NEGR1: variants seen among roughly 807,000 people sequenced by gnomAD.
NEGR1 encodes the protein IgLON family member 4.
A neutral mutation model predicts 40.9 loss-of-function variants in NEGR1; 10 were observed. The ratio of observed to expected loss-of-function variants is 0.24; its 90% CI spans 0.15 to 0.42. The LOEUF (loss-of-function observed/expected upper bound fraction) is 0.42, where lower values mean the gene tolerates loss of function less well. Among genes scored for constraint, NEGR1 ranks in the 10% least tolerant of loss-of-function variants. The pLI is 1.00. For missense variants in NEGR1, 352 were observed against 438.9 expected (o/e 0.80, Z 1.77); for synonymous variants, 185 against 166.8 (o/e 1.11, Z -0.84).
intron 2 of NEGR1, among the ~76,000 whole-genome samples, chr1:71,790,297 T>C (rs1020659229): frequency 6.6e-6 from 1 of 152,112 alleles, no homozygotes; most frequent in Non-Finnish European, 1.5e-5. Context: ...TAATAATCTG[T>C]ATTTGGCTGT....
At chr1:71,644,636 A>G (rs528696488) in intron 4 of NEGR1, among the ~76,000 whole-genome samples, 253 of 152,140 alleles carry the variant, frequency 1.7e-3, no homozygotes, top group Admixed American at 3.0e-3. Flanking sequence ...GATCTTGAGA[A>G]TGCAACTTAA....
intron 1 of NEGR1, among the ~76,000 whole-genome samples, chr1:72,267,900 T>C (rs1481117207): frequency 6.6e-6 from 1 of 151,016 alleles, no homozygotes; most frequent in African/African-American, 2.4e-5. Context: ...TTTCAGAATA[T>C]GTCAAAAACT....
At chr1:71,436,355 C>T (rs1367315179) in intron 6 of NEGR1, among the ~76,000 whole-genome samples, 1 of 151,994 alleles carries the variant, frequency 6.6e-6, no homozygotes, top group African/African-American at 2.4e-5. Context: ...TGCTTCTGAA[C>T]CAGTGCCAGA....
rs61614174 is a variant in NEGR1 at position 71,921,703 on chromosome 1, A to AATATAT, written c.409+13370_409+13375dup. 4.6e-3 allele frequency among the ~76,000 whole-genome samples: 612 copies of AATATAT among 134,002 alleles called. 1 individual carries two copies. The highest frequency in any genetic ancestry group is 8.7e-3 in the East Asian group (40 of 4,602). 87.9% of individuals were successfully genotyped at this position (134,002 alleles called of 152,430 possible). On this transcript the variant is annotated intron_variant, in intron 2 of 6. Transcript: ENST00000357731. ...ATATATAGAATAGATACAGTACAAG[A>AATATAT]ATATATATATATATATATATATATA...
chr1:71,468,331 G>A (rs1646759699), intron 6 of NEGR1: 1 of 151,860 alleles, frequency 6.6e-6, no homozygotes, highest in African/African-American at 2.4e-5. Context: ...TACCACTGCT[G>A]AAATCACGCA....
intron 4 of NEGR1, among the ~76,000 whole-genome samples, chr1:71,692,512 G>C (rs1477579206): frequency 6.6e-6 from 1 of 151,218 alleles, no homozygotes; most frequent in Admixed American, 6.6e-5. Flanking sequence ...TCAAGGTGAT[G>C]GCCATTTGTG....
chr1:71,505,828 C>T (rs1046389363), intron 6 of NEGR1, among the ~76,000 whole-genome samples: 44 of 152,250 alleles, frequency 2.9e-4, no homozygotes, highest in African/African-American at 1.0e-3. Flanking sequence ...TCCAACCTTC[C>T]AGGGGAACCC....
intron 1 of NEGR1, among the ~76,000 whole-genome samples, chr1:72,201,057 T>C (rs1570114116): frequency 6.6e-6 from 1 of 151,900 alleles, no homozygotes; most frequent in East Asian, 1.9e-4. Flanking sequence ...ATGTAGACTC[T>C]ACTCACTTGA....
intron 6 of NEGR1, among the ~76,000 whole-genome samples, chr1:71,462,840 ATATGT>A (rs1346882409): frequency 1.3e-5 from 2 of 152,190 alleles, no homozygotes; most frequent in African/African-American, 4.8e-5. Flanking sequence ...ACTTAGAAAG[ATATGT>A]TATGGATGTA....
chr1:71,454,396 A>G lies in NEGR1; in HGVS notation c.941-46826T>C, dbSNP rs557762109. On this transcript the variant is annotated intron_variant, in intron 6 of 6. Coordinates refer to ENST00000357731, the MANE Select transcript of NEGR1 (RefSeq NM_173808.3). ...ATGGAAAGATTCTTGGATGTCAATA[A>G]TATCTCCCACATAGATACTTATCAA... 9.2e-5 allele frequency among the ~76,000 whole-genome samples: 14 copies of G among 152,180 alleles called. No individual in the cohort carries two copies. The East Asian group carries it at 1.9e-3, about 21-fold the overall frequency.
Position 71,397,746 on chromosome 1 carries a change from A to G in NEGR1, c.*9700T>C, listed in dbSNP as rs1227697969. On this transcript the variant is annotated 3_prime_UTR_variant, in exon 7 of 7. Coordinates refer to ENST00000357731, the MANE Select transcript of NEGR1 (RefSeq NM_173808.3). The stretch of plus-strand genomic sequence containing the variant: ...ATTCAAGCTGGCTGCAGAAAATTGC[A>G]TAAGTAATGAGGAGCTGAATGTCAC... 6.6e-6 allele frequency: 1 copy of G among 152,242 alleles called. No individual in the cohort carries two copies. The highest frequency in any genetic ancestry group is 1.5e-5 in the Non-Finnish European group (1 of 68,058). 9.4% of individuals were successfully genotyped at this position (152,242 alleles called of 1,614,324 possible). A position where few individuals can be genotyped will look rare whatever the true frequency, so the allele number is the denominator to read the frequency against.
At chr1:72,090,219 A>G (rs2100542814) in intron 1 of NEGR1, among the ~76,000 whole-genome samples, 1 of 152,218 alleles carries the variant, frequency 6.6e-6, no homozygotes, top group Admixed American at 6.5e-5. Flanking sequence ...TAGGCATATT[A>G]TAATCATTAT....
At chr1:71,861,900 C>T (rs1659959741) in intron 2 of NEGR1, among the ~76,000 whole-genome samples, 1 of 151,770 alleles carries the variant, frequency 6.6e-6, no homozygotes, top group African/African-American at 2.4e-5. Context: ...ATGAGGTGGC[C>T]CCTGCCAGGA....
At chr1:72,053,038 T>G (rs1018643518) in intron 1 of NEGR1, among the ~76,000 whole-genome samples, 1 of 151,424 alleles carries the variant, frequency 6.6e-6, no homozygotes, top group African/African-American at 2.4e-5. Context: ...TTATCAAGTT[T>G]TATTACAGTT....
rs1646275637 is a variant in NEGR1, at chr1:71,405,995, T to C, written c.*1451A>G. ...TCAAAAATGTAGTTTTGCTTCTTTA[T>C]AGTAGAAATAATTTAACATTCACAA... is the stretch of plus-strand genomic sequence containing the variant. On this transcript the variant is annotated 3_prime_UTR_variant, in exon 7 of 7. Transcript: ENST00000357731. 6.6e-6 allele frequency: 1 copy of C among 152,348 alleles called. No homozygotes were observed. The highest frequency in any genetic ancestry group is 6.6e-5 in the Admixed American group (1 of 15,212). 9.4% of individuals were successfully genotyped at this position (152,348 alleles called of 1,614,324 possible).
At chr1:72,272,056 A>T (rs1356551609) in intron 1 of NEGR1, among the ~76,000 whole-genome samples, 1 of 151,912 alleles carries the variant, frequency 6.6e-6, no homozygotes, top group Non-Finnish European at 1.5e-5. Flanking sequence ...CTAATACAGA[A>T]AATTATGGGT....
At chr1:71,753,227 T>C (rs1030300312) in intron 3 of NEGR1, among the ~76,000 whole-genome samples, 3 of 152,188 alleles carry the variant, frequency 2.0e-5, no homozygotes, top group Non-Finnish European at 4.4e-5. Context: ...ATACTGTTGA[T>C]ATCATATTGC....
intron 1 of NEGR1, among the ~76,000 whole-genome samples, chr1:72,136,106 A>G (rs1048167861): frequency 2.0e-5 from 3 of 152,204 alleles, no homozygotes; most frequent in African/African-American, 7.2e-5. Flanking sequence ...ACTGTCTAAC[A>G]TTCATTCAAT....
chr1:72,125,925 G>C (rs1649997946), intron 1 of NEGR1, among the ~76,000 whole-genome samples: 1 of 152,100 alleles, frequency 6.6e-6, no homozygotes, highest in African/African-American at 2.4e-5. Flanking sequence ...TCTCAGTCTA[G>C]AATTTTTATT....
Sources: allele counts gnomAD v4.1 joint callset (sites outside exome capture counted in the v4.1 genomes callset), GRCh38; gene constraint gnomAD v4.1.1; transcripts MANE v1.5; gene names NCBI Gene and HGNC (gene_info 2026-07-23, HGNC 2026-07-21).